Variants in SLC25A20 observed in about 807,000 individuals in gnomAD.
The protein encoded by SLC25A20 is mitochondrial carnitine/acylcarnitine carrier protein.
Under a neutral mutation model 39.7 loss-of-function variants are expected in SLC25A20, and 29 were observed. The observed-to-expected ratio is 0.73, with a 90% CI of 0.54 to 1.00. SLC25A20 has a LOEUF of 1.00. Among genes scored for constraint, SLC25A20 ranks in the 50% least tolerant of loss-of-function variants. The pLI, the probability that SLC25A20 is intolerant of heterozygous loss-of-function variation, is 0.00. For missense variants in SLC25A20, 333 were observed against 379.9 expected, an observed-to-expected ratio of 0.88 and a Z score of 1.03; for synonymous variants, 103 against 142.2, an observed-to-expected ratio of 0.72 and a Z score of 1.96.
chr3:48,895,391 C>T (rs1345103702), intron 1 of SLC25A20, among the ~76,000 whole-genome samples: 1 of 152,230 alleles, frequency 6.6e-6, no homozygotes, highest in Non-Finnish European at 1.5e-5. Context: ...ATCTGCCCGC[C>T]TCAGACTCCC....
At chr3:48,866,738 C>T (rs2083672538) in intron 4 of SLC25A20, among the ~76,000 whole-genome samples, 2 of 109,302 alleles carry the variant, frequency 1.8e-5, no homozygotes, top group African/African-American at 7.4e-5. Context: ...TCAAACGATC[C>T]TCCCACCTCA....
At chr3:48,887,933 G>T (rs889922779) in intron 2 of SLC25A20, among the ~76,000 whole-genome samples, 4 of 151,968 alleles carry the variant, frequency 2.6e-5, no homozygotes, top group Admixed American at 2.6e-4. Flanking sequence ...GGCAGGCCAG[G>T]CGTGGTGGCT....
chr3:48,859,245 G>A, intron 6 of SLC25A20, 44 bp from the exon 7 acceptor site: 1 of 1,546,802 alleles, frequency 6.5e-7, no homozygotes, highest in East Asian at 2.3e-5. Context: ...AAGGCTGTGA[G>A]AGTGGCATTC....
At chr3:48,894,219 C>T (rs1575993896) in intron 1 of SLC25A20, among the ~76,000 whole-genome samples, 1 of 145,680 alleles carries the variant, frequency 6.9e-6, no homozygotes. Flanking sequence ...CTCTCTCTCT[C>T]GACAGGGTCT....
intron 4 of SLC25A20, 151 bp from the exon 5 acceptor site, chr3:48,862,810 T>G (rs1405733811): frequency 1.2e-5 from 8 of 687,358 alleles, no homozygotes; most frequent in Non-Finnish European, 2.2e-5. Flanking sequence ...TGTGTGATCT[T>G]GGGGCAGGTA....
intron 4 of SLC25A20, among the ~76,000 whole-genome samples, chr3:48,869,471 C>T (rs2106643137): frequency 6.6e-6 from 1 of 152,128 alleles, no homozygotes; most frequent in Middle Eastern, 3.4e-3. Context: ...GTGATATGCC[C>T]ACCTCAGCCT....
At chr3:48,879,224 A>C (rs1328349040) in intron 4 of SLC25A20, 134 bp downstream of exon 4, 1 of 791,704 alleles carries the variant, frequency 1.3e-6, no homozygotes, top group African/African-American at 1.7e-5. Flanking sequence ...TTGGTCTCCC[A>C]AAGTGCTAGG....
intron 2 of SLC25A20, among the ~76,000 whole-genome samples, chr3:48,888,259 G>T (rs2083847224): frequency 6.7e-6 from 1 of 150,266 alleles, no homozygotes; most frequent in African/African-American, 2.4e-5. Flanking sequence ...CTCAAGGACG[G>T]TTGGGCAGGC....
At chr3:48,894,319 G>A (rs1426111276) in intron 1 of SLC25A20, among the ~76,000 whole-genome samples, 2 of 146,670 alleles carry the variant, frequency 1.4e-5, no homozygotes, top group African/African-American at 5.0e-5. Flanking sequence ...AGGCTGGAGT[G>A]CAGTGGCTCA....
At chr3:48,885,927 C>T (rs1205175050) in intron 2 of SLC25A20, among the ~76,000 whole-genome samples, 3 of 152,068 alleles carry the variant, frequency 2.0e-5, no homozygotes, top group Admixed American at 2.0e-4. Flanking sequence ...ATTTAGGGTA[C>T]AGAATGACAG....
At chr3:48,865,595 TAAAAAAAA>T (rs766275901) in intron 4 of SLC25A20, among the ~76,000 whole-genome samples, 5 of 85,104 alleles carry the variant, frequency 5.9e-5, no homozygotes, top group South Asian at 4.0e-4. Context: ...ACCCTGTTTC[TAAAAAAAA>T]AAAAAAAAAA....
chr3:48,893,484 T>C (rs536299132), intron 1 of SLC25A20, among the ~76,000 whole-genome samples: 1 of 151,756 alleles, frequency 6.6e-6, no homozygotes, highest in East Asian at 2.0e-4. Flanking sequence ...TACAGAAAAC[T>C]GTGATGGTGC....
chr3:48,885,843 T>C (rs1038309118), intron 2 of SLC25A20, among the ~76,000 whole-genome samples: 2 of 151,808 alleles, frequency 1.3e-5, no homozygotes, highest in African/African-American at 4.8e-5. Flanking sequence ...AACAAAACAA[T>C]ACACACTAGA....
chr3:48,860,968 G>C (rs998174578), intron 5 of SLC25A20, among the ~76,000 whole-genome samples: 1 of 151,298 alleles, frequency 6.6e-6, no homozygotes, highest in African/African-American at 2.4e-5. Context: ...TGAGTAGCTG[G>C]GATGCATGCG....
chr3:48,868,856 A>C (rs991224872), intron 4 of SLC25A20, among the ~76,000 whole-genome samples: 5 of 152,144 alleles, frequency 3.3e-5, no homozygotes, highest in Non-Finnish European at 5.9e-5. Flanking sequence ...GCCAAGTAAG[A>C]AATTAGGGGA....
intron 4 of SLC25A20, among the ~76,000 whole-genome samples, chr3:48,872,970 T>A (rs1395106082): frequency 6.6e-6 from 1 of 152,218 alleles, no homozygotes; most frequent in Non-Finnish European, 1.5e-5. Flanking sequence ...ATGTCTATAA[T>A]CCCAGCACTT....
intron 4 of SLC25A20, among the ~76,000 whole-genome samples, chr3:48,866,147 A>G (rs894664441): frequency 1.3e-5 from 2 of 151,892 alleles, no homozygotes; most frequent in African/African-American, 2.4e-5. Flanking sequence ...AAAGGAAAAA[A>G]AAAAGTCACT....
rs2033180757 is a variant in SLC25A20, at chr3:48,857,404, G to C, written c.*306C>G. 2 of 401,420 alleles carry C rather than the reference G, an allele frequency of 5.0e-6. No homozygotes were observed. The highest frequency in any genetic ancestry group is 4.7e-5 in the South Asian group (2 of 42,984). 24.9% of individuals were successfully genotyped at this position (401,420 alleles called of 1,614,324 possible). ...GAATACTTTGACTGTGGTAGGACCA[G>C]CAGTTAACTGGTAGGCAGCATTCTT... On this transcript the variant is annotated 3_prime_UTR_variant, in exon 9 of 9. Transcript: ENST00000319017.
intron 2 of SLC25A20, among the ~76,000 whole-genome samples, chr3:48,890,846 G>T (rs1167950340): frequency 2.7e-5 from 4 of 150,874 alleles, no homozygotes; most frequent in African/African-American, 9.7e-5. Context: ...AGTAGAGATG[G>T]GGTTTCACCG....
Sources: gnomAD v4.1 joint callset for allele counts (sites outside exome capture counted in the v4.1 genomes callset) on GRCh38, gnomAD v4.1.1 for gene constraint, MANE v1.5 for transcripts, NCBI Gene and HGNC (gene_info 2026-07-23, HGNC 2026-07-21) for gene names.